Variants in CRPPA observed in about 807,000 individuals in gnomAD.
The protein encoded by CRPPA is CDP-L-ribitol pyrophosphorylase A.
CRPPA carries 43 observed loss-of-function variants against 52.0 expected under a neutral mutation model. The ratio of observed to expected loss-of-function variants is 0.83; its 90% confidence interval spans 0.65 to 1.07. CRPPA has a LOEUF of 1.07. Among genes scored for constraint, CRPPA ranks in the 50% least tolerant of loss-of-function variants. CRPPA has a pLI of 0.00. For synonymous variants in CRPPA, 250 were observed against 203.5 expected (o/e 1.23, Z -1.94); for missense variants, 629 against 551.7 (o/e 1.14, Z -1.40).
chr7:16,350,047 CA>C (rs1005405134), intron 3 of CRPPA, among the ~76,000 whole-genome samples: 9 of 151,730 alleles, frequency 5.9e-5, no homozygotes, highest in Non-Finnish European at 8.8e-5. Flanking sequence ...ATAAAATGAT[CA>C]GTGGATTTTT....
intron 8 of CRPPA, among the ~76,000 whole-genome samples, chr7:16,239,486 C>T (rs73291488): frequency 0.015 from 2,058 of 140,050 alleles, 52 homozygotes; most frequent in African/African-American, 0.05. Context: ...TATTTGGTTC[C>T]ATCTTTGTAA....
At chr7:16,285,591 C>T (rs887732345) in intron 5 of CRPPA, among the ~76,000 whole-genome samples, 8 of 152,054 alleles carry the variant, frequency 5.3e-5, no homozygotes, top group Admixed American at 4.6e-4. Context: ...AGAGAAAATT[C>T]ATGCCAGAAT....
At chr7:16,205,065 TGGCAAGACAGA>T (rs1292836664) in intron 9 of CRPPA, among the ~76,000 whole-genome samples, 1 of 152,150 alleles carries the variant, frequency 6.6e-6, no homozygotes, top group Non-Finnish European at 1.5e-5. Context: ...ACACAGCACT[TGGCAAGACAGA>T]GGCTTGCAAA....
At chr7:16,409,983 A>G (rs916348396) in intron 1 of CRPPA, among the ~76,000 whole-genome samples, 2 of 152,236 alleles carry the variant, frequency 1.3e-5, no homozygotes, top group African/African-American at 4.8e-5. Context: ...GCAGTATAAC[A>G]TCTTACAACA....
In CRPPA at chr7:16,272,969, TTTA is replaced by T. The variant is rs566156205; in HGVS notation, c.933+5157_933+5159del. Among the ~76,000 whole-genome samples, 74 of 151,998 alleles carry T rather than the reference TTTA, an allele frequency of 4.9e-4. 1 individual carries two copies. The highest frequency in any genetic ancestry group is 1.8e-3 in the African/African-American group (73 of 41,470). On this transcript the variant is annotated intron_variant, in intron 6 of 9. Coordinates refer to ENST00000407010, the MANE Select transcript of CRPPA (RefSeq NM_001101426.4). The stretch of plus-strand genomic sequence containing the variant: ...TATCCTTTGTCGCTTTTTTTTTTAT[TTTA>T]TTATTATTATACTTTAAGTTTTAGG...
intron 3 of CRPPA, among the ~76,000 whole-genome samples, chr7:16,353,748 G>T (rs1261476687): frequency 6.6e-6 from 1 of 152,032 alleles, no homozygotes; most frequent in East Asian, 1.9e-4. Context: ...TACTCAGGAG[G>T]CTGAGGCAGG....
intron 3 of CRPPA, among the ~76,000 whole-genome samples, chr7:16,369,339 CA>C (rs1786688964): frequency 6.6e-6 from 1 of 152,136 alleles, no homozygotes; most frequent in Non-Finnish European, 1.5e-5. Context: ...GGGAGTTTCA[CA>C]ATGTTCTTCT....
chr7:16,089,465 A>G lies in CRPPA; in HGVS notation c.*2230T>C, dbSNP rs1011340410. 6.1e-6 allele frequency: 2 copies of G among 328,764 alleles called. No homozygotes were observed. The highest frequency in any genetic ancestry group is 2.2e-5 in the African/African-American group (1 of 46,012). 20.4% of individuals were successfully genotyped at this position (328,764 alleles called of 1,614,324 possible). ...TGTACGTGCATACATATATGTGTAT[A>G]TATGTACGTACATATATACGGGTAT... is the stretch of plus-strand genomic sequence containing the variant. On this transcript the variant is annotated 3_prime_UTR_variant, in exon 10 of 10. Transcript: ENST00000407010.
At chr7:16,340,440 G>T (rs1277470040) in intron 3 of CRPPA, among the ~76,000 whole-genome samples, 10 of 151,808 alleles carry the variant, frequency 6.6e-5, no homozygotes, top group Admixed American at 6.6e-4. Context: ...GACCTTAAAA[G>T]ACACCTCACC....
chr7:16,347,699 T>A (rs563088717), intron 3 of CRPPA, among the ~76,000 whole-genome samples: 4 of 151,974 alleles, frequency 2.6e-5, no homozygotes, highest in Non-Finnish European at 4.4e-5. Flanking sequence ...TGAGAAAACA[T>A]CCACACTGGA....
chr7:16,396,837 C>T (rs528106365), intron 2 of CRPPA, among the ~76,000 whole-genome samples: 19 of 152,320 alleles, frequency 1.2e-4, no homozygotes, highest in South Asian at 2.1e-4. Flanking sequence ...ATACGCTATA[C>T]GTATGTGACA....
chr7:16,393,107 G>A (rs11973227), intron 2 of CRPPA, among the ~76,000 whole-genome samples: 4,421 of 152,186 alleles, frequency 0.029, 225 homozygotes, highest in African/African-American at 0.1. Flanking sequence ...TATTGGGGGT[G>A]GAGAGCCCTG....
intron 3 of CRPPA, among the ~76,000 whole-genome samples, chr7:16,357,182 T>C (rs1207241804): frequency 6.6e-6 from 1 of 151,784 alleles, no homozygotes; most frequent in African/African-American, 2.4e-5. Context: ...TTTATTTATT[T>C]ATTTATTTAT....
At chr7:16,114,928 G>T (rs964291566) in intron 9 of CRPPA, among the ~76,000 whole-genome samples, 6 of 152,030 alleles carry the variant, frequency 3.9e-5, no homozygotes, top group Non-Finnish European at 1.5e-5. Context: ...ATAAAATTCA[G>T]TTACCTCAGT....
intron 3 of CRPPA, among the ~76,000 whole-genome samples, chr7:16,310,939 T>C (rs1402892182): frequency 6.6e-6 from 1 of 152,184 alleles, no homozygotes; most frequent in Non-Finnish European, 1.5e-5. Flanking sequence ...AGCTATCAAG[T>C]TTGAGGGCAG....
chr7:16,254,001 C>T (rs1160758426), intron 8 of CRPPA, among the ~76,000 whole-genome samples: 2 of 152,168 alleles, frequency 1.3e-5, no homozygotes, highest in East Asian at 3.9e-4. Context: ...TCATCATCAC[C>T]GGCCATCAGA....
At chr7:16,108,350 C>G (rs74297952) in intron 9 of CRPPA, among the ~76,000 whole-genome samples, 2 of 151,376 alleles carry the variant, frequency 1.3e-5, no homozygotes, top group African/African-American at 4.8e-5. Flanking sequence ...AGACTTTACA[C>G]CAAATACATC....
chr7:16,327,893 G>C (rs1785454588), intron 3 of CRPPA, among the ~76,000 whole-genome samples: 1 of 152,068 alleles, frequency 6.6e-6, no homozygotes, highest in Non-Finnish European at 1.5e-5. Context: ...TGATCTAGGT[G>C]TGTCCCCAAC....
At chr7:16,196,162 C>A (rs1781729224) in intron 9 of CRPPA, among the ~76,000 whole-genome samples, 1 of 152,144 alleles carries the variant, frequency 6.6e-6, no homozygotes, top group Non-Finnish European at 1.5e-5. Flanking sequence ...AGAAGCTCTT[C>A]TGCTAAAGCC....
Sources: allele counts gnomAD v4.1 joint callset (sites outside exome capture counted in the v4.1 genomes callset), GRCh38; gene constraint gnomAD v4.1.1; transcripts MANE v1.5; gene names NCBI Gene and HGNC (gene_info 2026-07-23, HGNC 2026-07-21).